The following ARHGEF4 variants were observed in gnomAD, a reference collection of about 807,000 sequenced individuals.
The protein encoded by ARHGEF4 is APC-stimulated guanine nucleotide exchange factor 1.
A neutral mutation model predicts 162.0 loss-of-function variants in ARHGEF4; 119 were observed. That is an observed-to-expected ratio of 0.73 (90% CI 0.63 to 0.86). The LOEUF (loss-of-function observed/expected upper bound fraction) is 0.86. Among genes scored for constraint, ARHGEF4 ranks in the 40% least tolerant of loss-of-function variants. ARHGEF4 has a pLI of 0.00. For synonymous variants in ARHGEF4, 1,014 were observed against 979.9 expected (o/e 1.03, Z -0.65); for missense variants, 2,488 against 2,456.0 (o/e 1.01, Z -0.28).
intron 4 of ARHGEF4, among the ~76,000 whole-genome samples, chr2:131,018,340 T>C (rs1244521294): frequency 2.0e-5 from 3 of 152,236 alleles, no homozygotes; most frequent in Non-Finnish European, 4.4e-5. Context: ...AGTGATGTCG[T>C]ATGTCCTTAT....
At chr2:130,893,787 G>A (rs1679998773) in intron 1 of ARHGEF4, among the ~76,000 whole-genome samples, 1 of 152,224 alleles carries the variant, frequency 6.6e-6, no homozygotes, top group Non-Finnish European at 1.5e-5. Flanking sequence ...GCCAGAAGGG[G>A]CCTAAGGAGG....
Position 130,915,773 on chromosome 2 carries a change from G to C in ARHGEF4, c.1827G>C (p.Gly609=). The C allele has an allele frequency of 6.5e-7, 1 of 1,529,470 alleles. No individual in the cohort carries two copies. 94.7% of individuals were successfully genotyped at this position (1,529,470 alleles called of 1,614,324 possible). A position where few individuals can be genotyped will look rare whatever the true frequency, so the allele number is the denominator to read the frequency against. Residue 609 remains glycine (G), a synonymous_variant, in exon 2 of 14, where the codon GGG becomes GGC. Coordinates refer to ENST00000409359, the MANE Select transcript of ARHGEF4 (RefSeq NM_001367493.1). The stretch of plus-strand genomic sequence containing the variant: ...CTGAGGAGGGTGAACAGGGGCCTGG[G>C]GGTGCCGGGGGCCGGCAGCTGGAGC... ...PGAEEGEQGP[G]GAGGRQLEPK... is the part of the protein sequence containing the mutation.
intron 4 of ARHGEF4, among the ~76,000 whole-genome samples, chr2:130,983,116 C>T (rs543153715): frequency 1.3e-3 from 203 of 152,272 alleles, no homozygotes; most frequent in Non-Finnish European, 2.5e-3. Context: ...TTAAATTACA[C>T]AAAAAGTTTA....
At chr2:130,988,408 A>C (rs1338778686) in intron 4 of ARHGEF4, among the ~76,000 whole-genome samples, 2 of 152,242 alleles carry the variant, frequency 1.3e-5, no homozygotes, top group Non-Finnish European at 2.9e-5. Flanking sequence ...GCACTAAGAA[A>C]GGAGATTGGC....
At chr2:130,922,608 G>A (rs950927001) in intron 2 of ARHGEF4, among the ~76,000 whole-genome samples, 2 of 152,208 alleles carry the variant, frequency 1.3e-5, no homozygotes, top group African/African-American at 4.8e-5. Flanking sequence ...TATAAGGTAT[G>A]TGGCATTTTA....
intron 1 of ARHGEF4, 28 bp from the exon 2 acceptor site, chr2:130,913,958 T>A (rs766818313): frequency 6.5e-7 from 1 of 1,535,798 alleles, no homozygotes; most frequent in South Asian, 1.2e-5. Context: ...AGGCCTTGTC[T>A]CTGACTCCTC....
chr2:131,043,941 T>G (rs1691027578), intron 11 of ARHGEF4, among the ~76,000 whole-genome samples: 1 of 152,194 alleles, frequency 6.6e-6, no homozygotes, highest in African/African-American at 2.4e-5. Context: ...CGCTGCCGGC[T>G]TCTGCTCCTC....
Position 130,916,248 on chromosome 2 carries a change from C to A in ARHGEF4, c.2302C>A (p.Arg768Ser). Residue 768 changes from arginine (R) to serine (S), a missense_variant, in exon 2 of 14, where the codon CGC (arginine) becomes AGC (serine). Arg to Ser is a moderately radical substitution (Grantham distance 110). This residue lies in a region of ARHGEF4 where 1,642 missense variants were observed against 1,481.5 expected (regional missense o/e 1.11). Coordinates refer to ENST00000409359, the MANE Select transcript of ARHGEF4 (RefSeq NM_001367493.1). ...TGCAGCAGCCCGGGGCCAGCGCCCCCGCGTCCCCGCCTTGGAGCCGCCCCA... is the reference window on the plus strand; with the variant it reads ...TGCAGCAGCCCGGGGCCAGCGCCCCAGCGTCCCCGCCTTGGAGCCGCCCCA... ...GAAAARGQRPRVPALEPPQPP... is the reference protein window; with the variant it reads ...GAAAARGQRPSVPALEPPQPP... 6.6e-7 allele frequency: 1 copy of A among 1,526,676 alleles called. No individual in the cohort carries two copies. Among genetic ancestry groups the A allele is most frequent in the South Asian group, 1.2e-5 (1 of 80,774 alleles). The allele number at this position is 1,526,676 out of a possible 1,614,324, so 94.6% of individuals were successfully genotyped here. A position where few individuals can be genotyped will look rare whatever the true frequency, so the allele number is the denominator to read the frequency against.
At chr2:130,855,381 G>A (rs575649773) in intron 1 of ARHGEF4, among the ~76,000 whole-genome samples, 1 of 152,300 alleles carries the variant, frequency 6.6e-6, no homozygotes, top group African/African-American at 2.4e-5. Context: ...TATACTCATG[G>A]TTATGGTTTA....
intron 4 of ARHGEF4, among the ~76,000 whole-genome samples, chr2:130,991,924 G>A (rs1235484519): frequency 6.6e-6 from 1 of 152,240 alleles, no homozygotes; most frequent in Non-Finnish European, 1.5e-5. Context: ...TGGTGGGGAC[G>A]TGGAGAATCT....
rs560011833 is a variant in ARHGEF4, at chr2:130,956,534, G to A, written c.3985+9899G>A. Among the ~76,000 whole-genome samples the A allele has an allele frequency of 6.3e-3, 942 of 149,660 alleles. 1 individual carries two copies. Among genetic ancestry groups the A allele is most frequent in the Non-Finnish European group, 9.6e-3 (647 of 67,134 alleles). On this transcript the variant is annotated intron_variant, in intron 4 of 13. Transcript: ENST00000409359. Reference sequence around the variant, plus strand: ...ACACATGCACACGTATGTTTATTGCGGCACTATTCACAATAGCAAAGACTT... The same window carrying A: ...ACACATGCACACGTATGTTTATTGCAGCACTATTCACAATAGCAAAGACTT...
At chr2:131,038,826 C>A in intron 5 of ARHGEF4, 27 bp from the exon 6 acceptor site, 1 of 1,582,470 alleles carries the variant, frequency 6.3e-7, no homozygotes, top group Non-Finnish European at 8.6e-7. Flanking sequence ...CCCCCACTGA[C>A]CCGCCTGCCC....
At chr2:131,039,253 C>A (rs1188151288) in intron 6 of ARHGEF4, 3 of 1,291,772 alleles carry the variant, frequency 2.3e-6, no homozygotes, top group Non-Finnish European at 3.0e-6. Flanking sequence ...GGAGAGCAGT[C>A]GAGAAATGAG....
chr2:130,953,157 T>C (rs923462901), intron 4 of ARHGEF4, among the ~76,000 whole-genome samples: 3 of 152,112 alleles, frequency 2.0e-5, no homozygotes, highest in Non-Finnish European at 4.4e-5. Context: ...CTTCAAAGTA[T>C]ACTACAAGTC....
chr2:131,039,518 G>A, intron 6 of ARHGEF4: 1 of 1,027,878 alleles, frequency 9.7e-7, no homozygotes, highest in Non-Finnish European at 1.2e-6. Flanking sequence ...GTCTCCAAAA[G>A]GCCTGGCTCA....
At chr2:130,991,441 G>A (rs1258612439) in intron 4 of ARHGEF4, among the ~76,000 whole-genome samples, 3 of 152,256 alleles carry the variant, frequency 2.0e-5, no homozygotes, top group Non-Finnish European at 2.9e-5. Context: ...GCAGGGAGGT[G>A]TGGAGGGAGA....
chr2:130,933,578 T>G (rs568775299), intron 3 of ARHGEF4, among the ~76,000 whole-genome samples: 5 of 152,346 alleles, frequency 3.3e-5, no homozygotes, highest in South Asian at 4.1e-4. Context: ...TTTCCGTTTT[T>G]GGGAGGTGTT....
Position 130,916,459 on chromosome 2 carries a change from C to G in ARHGEF4, c.2513C>G (p.Pro838Arg), listed in dbSNP as rs1246816846. 1 of 1,542,394 alleles carries G rather than the reference C, an allele frequency of 6.5e-7. No individual in the cohort carries two copies. The highest frequency in any genetic ancestry group is 8.7e-7 in the Non-Finnish European group (1 of 1,145,738). Residue 838 changes from proline to arginine, a missense_variant, in exon 2 of 14, where the codon CCC (proline) becomes CGC (arginine). Transcript: ENST00000409359. ...GAGGGGCTCCCCAGGGAGAATCCGC[C>G]CGCTGCGGCCGGTCGGGACGCACCG... Reference protein sequence around the residue: ...GPEGLPRENPPAAAGRDAPPL... With the variant: ...GPEGLPRENPRAAAGRDAPPL...
intron 4 of ARHGEF4, among the ~76,000 whole-genome samples, chr2:130,957,946 C>A (rs891740092): frequency 2.6e-5 from 4 of 151,244 alleles, no homozygotes; most frequent in African/African-American, 9.8e-5. Flanking sequence ...GCAGCCTGAA[C>A]TAAGGCATTT....
Sources: gnomAD v4.1 joint callset for allele counts (sites outside exome capture counted in the v4.1 genomes callset) on GRCh38, gnomAD v4.1.1 for gene constraint, gnomAD v4.1.1 regional missense constraint, MANE v1.5 for transcripts, NCBI Gene and HGNC (gene_info 2026-07-23, HGNC 2026-07-21) for gene names.